The following ULK4 variants were observed in gnomAD, a reference collection of about 807,000 sequenced individuals.
The protein encoded by ULK4 is unc-51 like kinase 4.
A neutral mutation model predicts 160.6 loss-of-function variants in ULK4; 133 were observed. That is an observed-to-expected ratio of 0.83 (90% CI 0.72 to 0.96). The LOEUF is 0.96. ULK4 is among the 40% of genes least tolerant of loss of function. The pLI, the probability that ULK4 is intolerant of heterozygous loss-of-function variation, is 0.00. For synonymous variants in ULK4, 534 were observed against 539.8 expected (o/e 0.99, Z 0.15); for missense variants, 1,580 against 1,499.5 (o/e 1.05, Z -0.89).
intron 19 of ULK4, among the ~76,000 whole-genome samples, chr3:41,802,104 A>G (rs145114403): frequency 4.6e-5 from 7 of 152,268 alleles, no homozygotes; most frequent in South Asian, 2.1e-4. Flanking sequence ...TCTGAAATGC[A>G]AAAGTTGAGA....
chr3:41,367,299 C>T (rs753450707), intron 35 of ULK4, among the ~76,000 whole-genome samples: 3 of 152,216 alleles, frequency 2.0e-5, no homozygotes, highest in Non-Finnish European at 2.9e-5. Context: ...TAGATGCTGC[C>T]GAAAGCTGTA....
intron 35 of ULK4, among the ~76,000 whole-genome samples, chr3:41,367,496 T>G (rs945281781): frequency 6.6e-6 from 1 of 152,118 alleles, no homozygotes; most frequent in Non-Finnish European, 1.5e-5. Context: ...TTGGGGTATA[T>G]CCTGTGGTGA....
intron 21 of ULK4, among the ~76,000 whole-genome samples, chr3:41,770,235 T>C (rs966566458): frequency 5.9e-5 from 9 of 152,190 alleles, no homozygotes; most frequent in African/African-American, 1.9e-4. Context: ...TTAAATTTCA[T>C]AGTGATCTTC....
rs565602367 is a variant in ULK4 at position 41,645,078 on chromosome 3, C to A, written c.3071+18529G>T. 3.4e-5 allele frequency among the ~76,000 whole-genome samples: 5 copies of A among 148,984 alleles called. No homozygotes were observed. In the South Asian group the frequency reaches 8.3e-4, roughly 25 times the overall value. ...TTTTTATTGCATCTATTTGATTCTT[C>A]TCTCTTTTTTTCTTTATTAGTCTTG... is the stretch of plus-strand genomic sequence containing the variant. On this transcript the variant is annotated intron_variant, in intron 30 of 36. Transcript: ENST00000301831.
At chr3:41,301,421 C>T (rs911341310) in intron 35 of ULK4, among the ~76,000 whole-genome samples, 5 of 152,138 alleles carry the variant, frequency 3.3e-5, no homozygotes, top group African/African-American at 1.2e-4. Context: ...CTAAGTTATA[C>T]ACCAGGAACT....
intron 19 of ULK4, among the ~76,000 whole-genome samples, chr3:41,815,706 G>A (rs1435254423): frequency 6.6e-6 from 1 of 152,132 alleles, no homozygotes; most frequent in African/African-American, 2.4e-5. Context: ...CTTAGTTGTA[G>A]GCACTGGGGG....
chr3:41,889,687 C>T (rs1697847986), intron 16 of ULK4, among the ~76,000 whole-genome samples: 2 of 152,112 alleles, frequency 1.3e-5, no homozygotes, highest in South Asian at 4.1e-4. Flanking sequence ...GAACCTAAAA[C>T]AAAAGTATAA....
chr3:41,492,647 G>C (rs2084826437), intron 32 of ULK4, among the ~76,000 whole-genome samples: 1 of 151,544 alleles, frequency 6.6e-6, no homozygotes, highest in South Asian at 2.1e-4. Flanking sequence ...TGGATAAAGA[G>C]TCAAGGCCCA....
intron 21 of ULK4, among the ~76,000 whole-genome samples, chr3:41,771,427 T>C (rs1461547549): frequency 2.0e-5 from 3 of 152,182 alleles, no homozygotes; most frequent in East Asian, 1.9e-4. Flanking sequence ...GAATTACAAA[T>C]GATGGCAAAA....
At chr3:41,328,339 A>C (rs1247526144) in intron 35 of ULK4, among the ~76,000 whole-genome samples, 1 of 152,168 alleles carries the variant, frequency 6.6e-6, no homozygotes, top group Non-Finnish European at 1.5e-5. Flanking sequence ...TCTGTTTCCT[A>C]TTATCAGACC....
intron 19 of ULK4, among the ~76,000 whole-genome samples, chr3:41,801,584 C>T (rs1013259547): frequency 2.6e-5 from 4 of 151,594 alleles, no homozygotes; most frequent in Non-Finnish European, 5.9e-5. Context: ...GAGCAATGTC[C>T]CATTCCTGTA....
intron 32 of ULK4, among the ~76,000 whole-genome samples, chr3:41,468,928 A>G (rs576967197): frequency 6.6e-6 from 1 of 152,368 alleles, no homozygotes; most frequent in Admixed American, 6.5e-5. Context: ...CCATCAGGAC[A>G]TAGATATGGT....
intron 2 of ULK4, among the ~76,000 whole-genome samples, chr3:41,940,706 T>C (rs1397843274): frequency 6.6e-6 from 1 of 152,030 alleles, no homozygotes; most frequent in Non-Finnish European, 1.5e-5. Context: ...ATTCAATAAA[T>C]ATAAAAAATA....
intron 31 of ULK4, among the ~76,000 whole-genome samples, chr3:41,580,729 C>T (rs529985275): frequency 1.4e-4 from 21 of 152,224 alleles, no homozygotes; most frequent in African/African-American, 4.1e-4. Context: ...GCTGGGAGCC[C>T]GACCCAGAAG....
In ULK4 at chr3:41,835,939, T is replaced by G. The variant is rs770893175; in HGVS notation, c.1689A>C (p.Glu563Asp). 1 of 1,611,574 alleles carries G rather than the reference T, an allele frequency of 6.2e-7. No homozygotes were observed. The highest frequency in any genetic ancestry group is 1.1e-5 in the South Asian group (1 of 90,712). ...AIVLLTELIR[E>D]NFRNSKLKQC... ...GTTTTAATTTGCTGTTCCTGAAGTTTTCCCTAATTAATTCAGTTAAGAGAA... is the reference window on the plus strand; with the variant it reads ...GTTTTAATTTGCTGTTCCTGAAGTTGTCCCTAATTAATTCAGTTAAGAGAA... Residue 563 changes from glutamate to aspartate, a missense_variant, in exon 18 of 37, where the codon GAA becomes GAC. By Grantham distance (45) the Glu-to-Asp change is conservative. Coordinates refer to ENST00000301831, the MANE Select transcript of ULK4 (RefSeq NM_017886.4).
intron 22 of ULK4, among the ~76,000 whole-genome samples, chr3:41,741,582 G>A (rs1281883960): frequency 6.6e-6 from 1 of 151,878 alleles, no homozygotes; most frequent in Non-Finnish European, 1.5e-5. Flanking sequence ...TATTTCTAGT[G>A]GCTAAATCAG....
intron 22 of ULK4, among the ~76,000 whole-genome samples, chr3:41,748,331 T>C (rs1032507180): frequency 6.6e-6 from 1 of 151,542 alleles, no homozygotes. Flanking sequence ...TATATATATA[T>C]AATAGTTTCA....
intron 33 of ULK4, among the ~76,000 whole-genome samples, chr3:41,456,827 C>T (rs2083567124): frequency 1.3e-5 from 2 of 152,228 alleles, no homozygotes; most frequent in Admixed American, 1.3e-4. Context: ...GGACCCTTCT[C>T]ATAAATGCCT....
chr3:41,622,617 G>T (rs530967967), intron 30 of ULK4, among the ~76,000 whole-genome samples: 46 of 152,216 alleles, frequency 3.0e-4, no homozygotes, highest in Admixed American at 2.2e-3. Context: ...AGGGAAAGGG[G>T]AGGGAGAACA....
Sources: gnomAD v4.1 joint callset for allele counts (sites outside exome capture counted in the v4.1 genomes callset) on GRCh38, gnomAD v4.1.1 for gene constraint, MANE v1.5 for transcripts, NCBI Gene and HGNC (gene_info 2026-07-23, HGNC 2026-07-21) for gene names.